The following BLTP3B variants were observed in gnomAD, a reference collection of about 807,000 sequenced individuals.
BLTP3B encodes the protein bridge-like lipid transfer protein family member 3B, also known as UHRF1 (ICBP90) binding protein 1-like.
chr12:100,106,007 A>T, the BLTP3B span, among the ~76,000 whole-genome samples: 1 of 152,238 alleles, frequency 6.6e-6, no homozygotes, highest in Non-Finnish European at 1.5e-5. Context: ...ACATTGAGAC[A>T]CCACCTTTTT....
chr12:100,069,835 C>T, the BLTP3B span: 1 of 563,140 alleles, frequency 1.8e-6, no homozygotes, highest in Non-Finnish European at 2.3e-6. Context: ...CAAAACACCA[C>T]CTTTTCCCCA....
the BLTP3B span, among the ~76,000 whole-genome samples, chr12:100,075,487 G>A: frequency 1.8e-4 from 27 of 152,122 alleles, no homozygotes; most frequent in African/African-American, 6.0e-4. Flanking sequence ...AAATAGACAA[G>A]TGAGACCTCA....
chr12:100,112,209 T>G, the BLTP3B span, among the ~76,000 whole-genome samples: 3 of 152,358 alleles, frequency 2.0e-5, no homozygotes, highest in East Asian at 5.8e-4. Context: ...CCAGGAGCAG[T>G]GGCTCATGCT....
chr12:100,116,059 T>C, the BLTP3B span, among the ~76,000 whole-genome samples: 37,004 of 151,376 alleles, frequency 0.24, 6,274 homozygotes, highest in African/African-American at 0.48. Context: ...GCAATCCCAG[T>C]TACTCAGGAG....
the BLTP3B span, among the ~76,000 whole-genome samples, chr12:100,079,136 C>T: frequency 1.3e-5 from 2 of 152,050 alleles, no homozygotes; most frequent in Non-Finnish European, 2.9e-5. Context: ...GTGTGAAAAC[C>T]GACTAATACA....
chr12:100,054,235 T>C, the BLTP3B span, among the ~76,000 whole-genome samples: 1 of 152,068 alleles, frequency 6.6e-6, no homozygotes, highest in African/African-American at 2.4e-5. Flanking sequence ...TTCAAAGGAG[T>C]TTAAATAATA....
the BLTP3B span, among the ~76,000 whole-genome samples, chr12:100,133,882 G>A: frequency 1.3e-5 from 2 of 152,110 alleles, no homozygotes; most frequent in Non-Finnish European, 2.9e-5. Flanking sequence ...GAAAGAGAGA[G>A]ATCACATTCA....
At chr12:100,115,422 A>G in the BLTP3B span, among the ~76,000 whole-genome samples, 9 of 152,270 alleles carry the variant, frequency 5.9e-5, no homozygotes, top group East Asian at 1.7e-3. Flanking sequence ...TAAAATAGTG[A>G]TCATAACTAA....
the BLTP3B span, among the ~76,000 whole-genome samples, chr12:100,137,582 G>A: frequency 6.6e-6 from 1 of 152,020 alleles, no homozygotes; most frequent in African/African-American, 2.4e-5. Flanking sequence ...GCCTCCCAAA[G>A]TGCTTGGATT....
At chr12:100,104,934 A>C in the BLTP3B span, among the ~76,000 whole-genome samples, 1 of 150,322 alleles carries the variant, frequency 6.7e-6, no homozygotes, top group African/African-American at 2.4e-5. Flanking sequence ...TACCTAACCA[A>C]GGAGTTGAAA....
the BLTP3B span, chr12:100,050,177 G>T: frequency 4.6e-6 from 7 of 1,511,248 alleles, no homozygotes; most frequent in South Asian, 1.4e-5. Flanking sequence ...CCAACTGGAC[G>T]ATTACAAAGG....
chr12:100,126,475 T>C, the BLTP3B span, among the ~76,000 whole-genome samples: 1 of 151,832 alleles, frequency 6.6e-6, no homozygotes, highest in African/African-American at 2.4e-5. Flanking sequence ...AGAAAGAATA[T>C]GCCAAAGGAA....
At chr12:100,085,319 C>T in the BLTP3B span, among the ~76,000 whole-genome samples, 5 of 151,316 alleles carry the variant, frequency 3.3e-5, no homozygotes, top group East Asian at 9.7e-4. Context: ...GCAGTGATCA[C>T]ACCACTGCAC....
chr12:100,135,380 C>T, the BLTP3B span, among the ~76,000 whole-genome samples: 1 of 151,406 alleles, frequency 6.6e-6, no homozygotes, highest in Non-Finnish European at 1.5e-5. Flanking sequence ...GCAATTCTCC[C>T]ATCTCAGCCT....
the BLTP3B span, among the ~76,000 whole-genome samples, chr12:100,060,467 C>T: frequency 6.6e-6 from 1 of 152,146 alleles, no homozygotes; most frequent in African/African-American, 2.4e-5. Flanking sequence ...TTTCTGTAGA[C>T]TTTACAACCT....
the BLTP3B span, chr12:100,082,881 C>G: frequency 3.2e-6 from 2 of 623,384 alleles, no homozygotes; most frequent in East Asian, 5.6e-5. Flanking sequence ...CTGATATTTT[C>G]TATGCCATCT....
the BLTP3B span, among the ~76,000 whole-genome samples, chr12:100,096,513 A>T: frequency 6.6e-6 from 1 of 152,082 alleles, no homozygotes; most frequent in Non-Finnish European, 1.5e-5. Flanking sequence ...AATATATTCA[A>T]TTTACCAAAA....
chr12:100,102,467 T>C, the BLTP3B span, among the ~76,000 whole-genome samples: 2 of 152,174 alleles, frequency 1.3e-5, no homozygotes, highest in African/African-American at 2.4e-5. Flanking sequence ...GAAAATGATA[T>C]GCAGAGAAAC....
the BLTP3B span, among the ~76,000 whole-genome samples, chr12:100,105,892 AAGGAC>A: frequency 6.6e-6 from 1 of 152,192 alleles, no homozygotes; most frequent in East Asian, 1.9e-4. Flanking sequence ...AAAAGTGAGC[AAGGAC>A]ATGAACAGAC....
Sources: allele counts gnomAD v4.1 joint callset (sites outside exome capture counted in the v4.1 genomes callset), GRCh38; gene constraint gnomAD v4.1.1; transcripts MANE v1.5; gene names NCBI Gene and HGNC (gene_info 2026-07-23, HGNC 2026-07-21).